Variants in NEK1 observed in about 807,000 individuals in gnomAD.
The protein encoded by NEK1 is NIMA related kinase 1, also known as serine/threonine-protein kinase Nek1.
A neutral mutation model predicts 182.1 loss-of-function variants in NEK1; 137 were observed. That is an observed-to-expected ratio of 0.75 (90% CI 0.65 to 0.87). The LOEUF (loss-of-function observed/expected upper bound fraction) is 0.87. Ranked by LOEUF, NEK1 falls within the 40% of genes least tolerant of loss-of-function variation. The pLI is 0.00. For synonymous variants in NEK1, 513 were observed against 492.2 expected, an observed-to-expected ratio of 1.04 and a Z score of -0.56; for missense variants, 1,391 against 1,494.4, an observed-to-expected ratio of 0.93 and a Z score of 1.14.
chr4:169,563,745 A>G (rs1299307511), intron 12 of NEK1, among the ~76,000 whole-genome samples: 1 of 152,208 alleles, frequency 6.6e-6, no homozygotes, highest in African/African-American at 2.4e-5. Flanking sequence ...TACATACTGT[A>G]TTAGAACTTA....
chr4:169,589,480 A>G lies in NEK1; in HGVS notation c.431T>C (p.Leu144Pro), dbSNP rs1768066722. 1 of 1,516,742 alleles carries G rather than the reference A, an allele frequency of 6.6e-7. No individual in the cohort carries two copies. Among genetic ancestry groups the G allele is most frequent in the Non-Finnish European group, 8.9e-7 (1 of 1,121,498 alleles). The allele number at this position is 1,516,742 out of a possible 1,614,324, so 94.0% of individuals were successfully genotyped here. ...IFLTKDGTVQLGDFGIARVLN... is the reference protein window; with the variant it reads ...IFLTKDGTVQPGDFGIARVLN... ...AACTCTAGCAATTCCAAAATCTCCA[A>G]GTTGTACTGTTCCATCTTTAGTTAA... Residue 144 changes from leucine (L) to proline (P), a missense_variant, in exon 7 of 36, where the codon CTT (leucine) becomes CCT (proline). By Grantham distance (98) the Leu-to-Pro change is moderately conservative. Transcript: ENST00000507142.
rs550680145 is a variant in NEK1, at chr4:169,448,195, C to T, written c.2588-9936G>A. Among the ~76,000 whole-genome samples the T allele has an allele frequency of 3.1e-3, 476 of 152,150 alleles. 1 individual carries two copies. In the Middle Eastern group the frequency reaches 0.034, roughly 11 times the overall value. On this transcript the variant is annotated intron_variant, in intron 27 of 35. Transcript: ENST00000507142. ...TAAGCTGAGATTGTGCCACTGCCCT[C>T]CAGCCTGGGTGACAGAGTGAGTCCC...
intron 26 of NEK1, among the ~76,000 whole-genome samples, chr4:169,466,083 T>C (rs146170571): frequency 5.2e-4 from 79 of 152,222 alleles, no homozygotes; most frequent in African/African-American, 1.8e-3. Flanking sequence ...ATAACTGTCA[T>C]TGTAACTGAA....
intron 19 of NEK1, among the ~76,000 whole-genome samples, chr4:169,531,979 C>T (rs1757747891): frequency 6.6e-6 from 1 of 152,170 alleles, no homozygotes; most frequent in African/African-American, 2.4e-5. Flanking sequence ...AGTGATAACA[C>T]TCCAGTCACA....
chr4:169,430,165 T>C (rs540719177), intron 29 of NEK1, among the ~76,000 whole-genome samples: 2 of 152,292 alleles, frequency 1.3e-5, no homozygotes, highest in African/African-American at 4.8e-5. Flanking sequence ...TCTCTGCCTT[T>C]AAGGAGCTTT....
At chr4:169,576,185 G>C (rs970968598) in intron 12 of NEK1, among the ~76,000 whole-genome samples, 24 of 151,998 alleles carry the variant, frequency 1.6e-4, no homozygotes, top group African/African-American at 5.8e-4. Flanking sequence ...GGCTGGTCTG[G>C]AACTCCTGAC....
rs769845636 is a variant in NEK1, at chr4:169,602,547, T to C, written c.84A>G (p.Arg28=). 1 of 1,604,658 alleles carries C rather than the reference T, an allele frequency of 6.2e-7. No homozygotes were observed. Among genetic ancestry groups the C allele is most frequent in the South Asian group, 1.1e-5 (1 of 90,550 alleles). The change falls in exon 3 of 36, where the codon AGA becomes AGG. Residue 28 remains arginine, a synonymous_variant. Transcript: ENST00000507142. ...AILVKSTEDG[R]QYVIKEINIS... The stretch of plus-strand genomic sequence containing the variant: ...TGTTAATTTCCTTGATAACATACTG[T>C]CTGCCATCTTCTGTAGATTTAACAA...
intron 29 of NEK1, among the ~76,000 whole-genome samples, chr4:169,427,435 T>A (rs1432522023): frequency 1.3e-5 from 2 of 151,484 alleles, no homozygotes; most frequent in African/African-American, 4.9e-5. Context: ...CTGTTTCAAA[T>A]TTTAAATAAT....
chr4:169,559,431 T>G (rs1254054579), intron 16 of NEK1, among the ~76,000 whole-genome samples: 1 of 152,192 alleles, frequency 6.6e-6, no homozygotes, highest in African/African-American at 2.4e-5. Flanking sequence ...AAAATTATAC[T>G]ACTAAAAACA....
intron 33 of NEK1, among the ~76,000 whole-genome samples, chr4:169,401,328 G>A (rs1731645264): frequency 6.6e-6 from 1 of 152,082 alleles, no homozygotes; most frequent in Admixed American, 6.6e-5. Context: ...AATATATGCA[G>A]AAGCTCTTTC....
intron 23 of NEK1, among the ~76,000 whole-genome samples, chr4:169,491,462 C>T (rs1192680017): frequency 6.6e-6 from 1 of 152,058 alleles, no homozygotes; most frequent in Non-Finnish European, 1.5e-5. Flanking sequence ...ATAATATACT[C>T]AAGGTGCTAA....
chr4:169,446,903 C>T (rs1740678960), intron 27 of NEK1, among the ~76,000 whole-genome samples: 1 of 151,568 alleles, frequency 6.6e-6, no homozygotes, highest in Non-Finnish European at 1.5e-5. Context: ...TCAGAGGAGA[C>T]AAAAAACAAA....
chr4:169,448,846 G>A (rs1372788734), intron 27 of NEK1, among the ~76,000 whole-genome samples: 1 of 152,242 alleles, frequency 6.6e-6, no homozygotes, highest in African/African-American at 2.4e-5. Flanking sequence ...CCGAAGCAGG[G>A]TGGGGCATCA....
chr4:169,428,807 G>C (rs567023283), intron 29 of NEK1, among the ~76,000 whole-genome samples: 11 of 152,154 alleles, frequency 7.2e-5, no homozygotes, highest in African/African-American at 2.6e-4. Context: ...TTAGTTTGGT[G>C]CACACCTTAC....
Position 169,401,720 on chromosome 4 carries a change from C to T in NEK1, c.3515G>A (p.Gly1172Glu). ...GTCATCTTCATCTGCCACATCTGTCCCATTTGCAGTTGGCTCCACATCACT... is the reference window on the plus strand; with the variant it reads ...GTCATCTTCATCTGCCACATCTGTCTCATTTGCAGTTGGCTCCACATCACT... The part of the protein sequence containing the change: ...KNSDVEPTAN[G>E]TDVADEDDNP... The change falls in exon 33 of 36, where the codon GGG (glycine) becomes GAG (glutamate). Residue 1172 changes from glycine (G) to glutamate (E), a missense_variant. Gly to Glu is a moderately conservative substitution (Grantham distance 98). Coordinates refer to ENST00000507142, the MANE Select transcript of NEK1 (RefSeq NM_001199397.3). 9.9e-6 allele frequency: 16 copies of T among 1,613,930 alleles called. No homozygotes were observed. Among genetic ancestry groups the T allele is most frequent in the Non-Finnish European group, 1.4e-5 (16 of 1,179,820 alleles).
In NEK1 at chr4:169,601,838, T is replaced by TAA. The variant is rs796760287; in HGVS notation, c.214+168_214+169dup. Among the ~76,000 whole-genome samples the TAA allele has an allele frequency of 1.7e-3, 241 of 140,400 alleles. 1 individual carries two copies. Among genetic ancestry groups the TAA allele is most frequent in the African/African-American group, 5.9e-3 (225 of 38,082 alleles). 92.1% of individuals were successfully genotyped at this position (140,400 alleles called of 152,430 possible). On this transcript the variant is annotated intron_variant, in intron 4 of 35. Transcript: ENST00000507142. ...GCCACTGAGCGAGACTGTCTCAATT[T>TAA]AAAAAAAAAAAAAAATGCAGGCATG...
At chr4:169,537,960 T>G (rs371085720) in intron 18 of NEK1, 49 bp from the exon 19 acceptor site, 18 of 1,298,376 alleles carry the variant, frequency 1.4e-5, no homozygotes, top group Non-Finnish European at 1.8e-5. Flanking sequence ...GAAAATATTC[T>G]AAAAAGTTAA....
chr4:169,573,225 G>C (rs4440181), intron 12 of NEK1, among the ~76,000 whole-genome samples: 14,726 of 152,202 alleles, frequency 0.097, 791 homozygotes, highest in East Asian at 0.17. Context: ...AGGTAAGACT[G>C]ACTAGCAGAA....
At chr4:169,420,688 T>C (rs1406672558) in intron 31 of NEK1, among the ~76,000 whole-genome samples, 6 of 152,092 alleles carry the variant, frequency 3.9e-5, no homozygotes, top group Non-Finnish European at 7.4e-5. Flanking sequence ...TGGTATAATA[T>C]TATTTGAAGG....
Sources: allele counts gnomAD v4.1 joint callset (sites outside exome capture counted in the v4.1 genomes callset), GRCh38; gene constraint gnomAD v4.1.1; transcripts MANE v1.5; gene names NCBI Gene and HGNC (gene_info 2026-07-23, HGNC 2026-07-21).